GMDS: variants seen among roughly 807,000 people sequenced by gnomAD.
The protein encoded by GMDS is GDP-mannose 4,6 dehydratase.
GMDS carries 20 observed loss-of-function variants against 49.9 expected under a neutral mutation model. That is an observed-to-expected ratio of 0.40 (90% CI 0.28 to 0.58). GMDS has a LOEUF of 0.58. Ranked by LOEUF, GMDS falls within the 20% of genes least tolerant of loss-of-function variation. The pLI is 0.42. For synonymous variants in GMDS, 177 were observed against 178.6 expected, an observed-to-expected ratio of 0.99 and a Z score of 0.07; for missense variants, 362 against 481.4, an observed-to-expected ratio of 0.75 and a Z score of 2.32.
At chr6:1,967,807 C>G (rs1363285227) in intron 4 of GMDS, among the ~76,000 whole-genome samples, 1 of 152,176 alleles carries the variant, frequency 6.6e-6, no homozygotes, top group African/African-American at 2.4e-5. Flanking sequence ...GTTAATTTAT[C>G]AACATTCAAA....
In GMDS at chr6:1,987,678, C is replaced by T. The variant is rs147880531; in HGVS notation, c.346-26712G>A. On this transcript the variant is annotated intron_variant, in intron 4 of 10. Transcript: ENST00000380815. ...GGAAAAAAGCTGGAAAGGGAGAGGA[C>T]GTTGGGTTGTACTTTTAAATATGGT... is the stretch of plus-strand genomic sequence containing the variant. Among the ~76,000 whole-genome samples the T allele has an allele frequency of 1.3e-3, 195 of 152,140 alleles. 2 individuals carry two copies. Among genetic ancestry groups the T allele is most frequent in the African/African-American group, 4.1e-3 (169 of 41,516 alleles).
At chr6:2,122,177 T>C (rs778139585) in intron 2 of GMDS, among the ~76,000 whole-genome samples, 13 of 152,304 alleles carry the variant, frequency 8.5e-5, no homozygotes, top group Admixed American at 3.9e-4. Flanking sequence ...TTCAACTTCA[T>C]CATATGATTC....
chr6:1,961,042 T>C (rs1329841089), intron 4 of GMDS, 76 bp from the exon 5 acceptor site: 14 of 773,712 alleles, frequency 1.8e-5, no homozygotes, highest in Non-Finnish European at 2.6e-5. Context: ...GAACAAAGAC[T>C]ACAATTTCAC....
chr6:1,669,649 A>G (rs1188539080), intron 9 of GMDS, among the ~76,000 whole-genome samples: 1 of 152,174 alleles, frequency 6.6e-6, no homozygotes, highest in Non-Finnish European at 1.5e-5. Context: ...ACAGTGGCTC[A>G]TGCCTGTAAT....
intron 1 of GMDS, among the ~76,000 whole-genome samples, chr6:2,179,492 G>A (rs1289698935): frequency 1.3e-5 from 2 of 152,084 alleles, no homozygotes; most frequent in African/African-American, 2.4e-5. Flanking sequence ...TATAAAAGAG[G>A]CTTCAGAGAG....
intron 1 of GMDS, among the ~76,000 whole-genome samples, chr6:2,169,968 C>T (rs2127553470): frequency 6.6e-6 from 1 of 152,280 alleles, no homozygotes; most frequent in South Asian, 2.1e-4. Flanking sequence ...CTTTGGGAGG[C>T]CAAGGTGGGC....
intron 7 of GMDS, among the ~76,000 whole-genome samples, chr6:1,915,455 C>T (rs1025411481): frequency 2.0e-5 from 3 of 152,226 alleles, no homozygotes; most frequent in East Asian, 1.9e-4. Context: ...CAGCCCAGGG[C>T]CGGCACGGTG....
Position 2,213,266 on chromosome 6 carries a change from T to C in GMDS, c.102+32055A>G, listed in dbSNP as rs557561085. 9.8e-4 allele frequency among the ~76,000 whole-genome samples: 150 copies of C among 152,340 alleles called. 1 individual carries two copies. Among genetic ancestry groups the C allele is most frequent in the Non-Finnish European group, 9.1e-4 (62 of 68,040 alleles). On this transcript the variant is annotated intron_variant, in intron 1 of 10. Coordinates refer to ENST00000380815, the MANE Select transcript of GMDS (RefSeq NM_001500.4). The stretch of plus-strand genomic sequence containing the variant: ...CAAGGAATCCCTTGATTTATGGTAG[T>C]TGGTGAAACCTGGCAGTGGGGGTGG...
chr6:1,878,314 CAAAAAAAA>C (rs11463549), intron 7 of GMDS, among the ~76,000 whole-genome samples: 3 of 72,528 alleles, frequency 4.1e-5, no homozygotes, highest in African/African-American at 1.1e-4. Context: ...GAATCCATCT[CAAAAAAAA>C]AAAAAAAAAA....
At chr6:1,992,497 C>T (rs1353355235) in intron 4 of GMDS, among the ~76,000 whole-genome samples, 5 of 152,198 alleles carry the variant, frequency 3.3e-5, no homozygotes, top group African/African-American at 9.7e-5. Flanking sequence ...GGCATGTTCC[C>T]GACCTAGGGG....
intron 4 of GMDS, among the ~76,000 whole-genome samples, chr6:2,012,437 G>A (rs942339611): frequency 5.9e-5 from 9 of 151,770 alleles, no homozygotes; most frequent in East Asian, 1.9e-4. Flanking sequence ...TTAAAAGGAC[G>A]GACAGTTTTA....
chr6:1,699,074 C>T (rs1272374676), intron 9 of GMDS, among the ~76,000 whole-genome samples: 1 of 152,088 alleles, frequency 6.6e-6, no homozygotes, highest in Non-Finnish European at 1.5e-5. Context: ...GACAAGATCT[C>T]TTAGTGTCCA....
intron 7 of GMDS, among the ~76,000 whole-genome samples, chr6:1,848,629 C>A (rs971360510): frequency 2.6e-5 from 4 of 152,300 alleles, no homozygotes; most frequent in African/African-American, 9.6e-5. Flanking sequence ...ATGGTGAATT[C>A]CAACTTGGTT....
chr6:1,681,497 G>A (rs1257327319), intron 9 of GMDS, among the ~76,000 whole-genome samples: 1 of 152,312 alleles, frequency 6.6e-6, no homozygotes, highest in East Asian at 1.9e-4. Context: ...ATGGAAATCA[G>A]TGTGGCTCCA....
chr6:1,740,256 G>A (rs561527440), intron 8 of GMDS, among the ~76,000 whole-genome samples: 2 of 152,202 alleles, frequency 1.3e-5, no homozygotes, highest in African/African-American at 2.4e-5. Context: ...TAAACTATAC[G>A]TTTTAATTAA....
At chr6:1,648,578 A>G (rs1763557188) in intron 9 of GMDS, among the ~76,000 whole-genome samples, 1 of 152,260 alleles carries the variant, frequency 6.6e-6, no homozygotes, top group Non-Finnish European at 1.5e-5. Flanking sequence ...GAACACGTAA[A>G]GAATATGCGA....
At chr6:1,679,437 AC>A (rs1764720605) in intron 9 of GMDS, 1 of 152,264 alleles carries the variant, frequency 6.6e-6, no homozygotes, top group Non-Finnish European at 1.5e-5. Flanking sequence ...GAGAAGCTGA[AC>A]AACTGGCATG....
chr6:1,906,919 C>T (rs898092607), intron 7 of GMDS, among the ~76,000 whole-genome samples: 9 of 152,164 alleles, frequency 5.9e-5, no homozygotes, highest in African/African-American at 2.2e-4. Context: ...GAGAACCCAC[C>T]GTAGGGGCTC....
chr6:2,065,742 G>A (rs1174421527), intron 4 of GMDS, among the ~76,000 whole-genome samples: 8 of 152,066 alleles, frequency 5.3e-5, no homozygotes, highest in Admixed American at 4.6e-4. Flanking sequence ...AAAGAAACGA[G>A]CAAAGCCTCC....
Sources: gnomAD v4.1 joint callset for allele counts (sites outside exome capture counted in the v4.1 genomes callset) on GRCh38, gnomAD v4.1.1 for gene constraint, MANE v1.5 for transcripts, NCBI Gene and HGNC (gene_info 2026-07-23, HGNC 2026-07-21) for gene names.